Variants in DSC3 observed in about 807,000 individuals in gnomAD.
DSC3 encodes desmocollin-3.
DSC3 carries 97 observed loss-of-function variants against 89.5 expected under a neutral mutation model. The ratio of observed to expected loss-of-function variants is 1.08; its 90% CI spans 0.92 to 1.28. DSC3 has a LOEUF of 1.28. Ranked by LOEUF, DSC3 falls within the 50% of genes most tolerant of loss-of-function variation. The probability of loss-of-function intolerance (pLI) is 0.00; values close to 1 mark genes in which losing one functional copy is unlikely to be tolerated. For synonymous variants in DSC3, 436 were observed against 384.1 expected (o/e 1.14, Z -1.58); for missense variants, 1,199 against 1,085.3 (o/e 1.10, Z -1.47).
chr18:31,038,333 G>A (rs1432650141), intron 1 of DSC3, among the ~76,000 whole-genome samples: 1 of 152,188 alleles, frequency 6.6e-6, no homozygotes, highest in Non-Finnish European at 1.5e-5. Context: ...TGGATCTAAA[G>A]AAGTGTGTGT....
intron 11 of DSC3, 104 bp from the exon 12 acceptor site, chr18:31,007,235 A>T: frequency 1.3e-6 from 1 of 756,936 alleles, no homozygotes; most frequent in Non-Finnish European, 2.2e-6. Context: ...TTTTTAAATA[A>T]ACTGATTATT....
chr18:31,010,959 C>T lies in DSC3; in HGVS notation c.1264-2434G>A, dbSNP rs113490383. On this transcript the variant is annotated intron_variant, in intron 9 of 15. Coordinates refer to ENST00000360428, the MANE Select transcript of DSC3 (RefSeq NM_001941.5). ...TAAAATAATAATATCCCACAGTTTACCAAGTGCTGTTACGTTCAATATTAT... is the reference window on the plus strand; with the variant it reads ...TAAAATAATAATATCCCACAGTTTATCAAGTGCTGTTACGTTCAATATTAT... Among the ~76,000 whole-genome samples the T allele has an allele frequency of 1.1e-3, 166 of 152,282 alleles. 1 individual carries two copies. The highest frequency in any genetic ancestry group is 3.8e-3 in the African/African-American group (157 of 41,568).
intron 1 of DSC3, among the ~76,000 whole-genome samples, chr18:31,040,281 A>C (rs926821851): frequency 6.6e-6 from 1 of 152,214 alleles, no homozygotes; most frequent in Admixed American, 6.5e-5. Flanking sequence ...TAGATAACAT[A>C]ATCTTAAAGT....
At chr18:31,013,130 T>C (rs1292912951) in intron 9 of DSC3, among the ~76,000 whole-genome samples, 1 of 152,106 alleles carries the variant, frequency 6.6e-6, no homozygotes, top group Non-Finnish European at 1.5e-5. Flanking sequence ...CTAGCAATAA[T>C]ACAGCAGCAT....
intron 12 of DSC3, among the ~76,000 whole-genome samples, chr18:31,005,094 A>C (rs1349689814): frequency 6.6e-6 from 1 of 152,210 alleles, no homozygotes; most frequent in African/African-American, 2.4e-5. Context: ...ACACCCTGGA[A>C]GTCATCTGGA....
chr18:31,033,098 A>G (rs114097400), intron 1 of DSC3, among the ~76,000 whole-genome samples: 2,057 of 152,286 alleles, frequency 0.014, 58 homozygotes, highest in African/African-American at 0.047. Flanking sequence ...ACTTAGGAAT[A>G]AATGTAATCA....
intron 14 of DSC3, among the ~76,000 whole-genome samples, 186 bp downstream of exon 14, chr18:31,001,432 C>T (rs561534489): frequency 1.3e-5 from 2 of 151,962 alleles, no homozygotes; most frequent in East Asian, 1.9e-4. Context: ...TAAAATAATA[C>T]ATCTGGATTA....
intron 1 of DSC3, among the ~76,000 whole-genome samples, chr18:31,039,364 T>C (rs1986065061): frequency 6.6e-6 from 1 of 152,148 alleles, no homozygotes; most frequent in Non-Finnish European, 1.5e-5. Context: ...GTAGGCTTTC[T>C]AAAATGACAC....
intron 14 of DSC3, 100 bp from the exon 15 acceptor site, chr18:30,997,148 A>C (rs933628902): frequency 7.8e-6 from 10 of 1,279,212 alleles, no homozygotes; most frequent in Non-Finnish European, 1.0e-5. Flanking sequence ...CCTTTTATTC[A>C]TTCATTCATT....
chr18:30,999,993 A>T (rs927832687), intron 14 of DSC3, among the ~76,000 whole-genome samples: 1 of 152,176 alleles, frequency 6.6e-6, no homozygotes, highest in Non-Finnish European at 1.5e-5. Context: ...TGCCGGTCTT[A>T]AAAATAAAAT....
intron 11 of DSC3, 55 bp from the exon 12 acceptor site, chr18:31,007,186 T>A: frequency 7.3e-7 from 1 of 1,364,234 alleles, no homozygotes; most frequent in Non-Finnish European, 1.0e-6. Context: ...CATAGTTTCT[T>A]AAAGAATAAA....
chr18:31,001,089 G>GTATATATATATATATATATATA (rs67608580), intron 14 of DSC3, among the ~76,000 whole-genome samples: 3 of 126,042 alleles, frequency 2.4e-5, no homozygotes, highest in Admixed American at 7.9e-5. Flanking sequence ...TTGTGTGTGT[G>GTATATATATATATATATATATA]TATATATATA....
intron 14 of DSC3, among the ~76,000 whole-genome samples, chr18:30,998,135 G>T (rs1984539326): frequency 6.6e-6 from 1 of 152,104 alleles, no homozygotes; most frequent in Non-Finnish European, 1.5e-5. Context: ...CAAATAAGAA[G>T]ACAAATTTAA....
rs1227619083 is a variant in DSC3 at position 30,990,963 on chromosome 18, CAA to C, written c.*3210_*3211del. The C allele has an allele frequency of 1.7e-5, 2 of 117,598 alleles. No individual in the cohort carries two copies. Among genetic ancestry groups the C allele is most frequent in the Non-Finnish European group, 3.5e-5 (2 of 57,694 alleles). The allele number at this position is 117,598 out of a possible 1,614,324, so 7.3% of individuals were successfully genotyped here. On this transcript the variant is annotated 3_prime_UTR_variant, in exon 16 of 16. Transcript: ENST00000360428. ...TCCAAAATATTCCCCATTAATACAA[CAA>C]AGACATAATTATTTCTATTTCCATG...
In DSC3 at chr18:31,001,089, G is replaced by GTGTGTA. The variant is rs141615987; in HGVS notation, c.2235+528_2235+529insTACACA. Among the ~76,000 whole-genome samples the GTGTGTA allele has an allele frequency of 1.0e-2, 1,255 of 126,000 alleles. 12 individuals are homozygous for GTGTGTA. The highest frequency in any genetic ancestry group is 0.023 in the African/African-American group (782 of 34,284). 82.7% of individuals were successfully genotyped at this position (126,000 alleles called of 152,430 possible). ...GTGTTTATATATACTTTGTGTGTGT[G>GTGTGTA]TATATATATATATATATATATATAC... On this transcript the variant is annotated intron_variant, in intron 14 of 15. Transcript: ENST00000360428.
chr18:31,018,901 TG>T (rs879474971), intron 7 of DSC3, 101 bp from the exon 8 acceptor site: 3,641 of 351,616 alleles, frequency 0.01, 17 homozygotes, highest in Non-Finnish European at 0.012. Flanking sequence ...CACACACATC[TG>T]TGTGTTTCCG....
chr18:31,003,929 C>T lies in DSC3; in HGVS notation c.2113+213G>A, dbSNP rs555017959. ...TCTGTGAAATCTAAGGAATTTTCAACAATTCTGTCTAAGCATAAAGTCTTT... is the reference window on the plus strand; with the variant it reads ...TCTGTGAAATCTAAGGAATTTTCAATAATTCTGTCTAAGCATAAAGTCTTT... On this transcript the variant is annotated intron_variant, in intron 13 of 15. Transcript: ENST00000360428. 1.1e-4 allele frequency among the ~76,000 whole-genome samples: 17 copies of T among 152,260 alleles called. No homozygotes were observed. In the South Asian group the frequency reaches 3.5e-3, roughly 32 times the overall value.
chr18:31,013,474 C>T (rs373716200), intron 9 of DSC3, among the ~76,000 whole-genome samples: 18 of 152,170 alleles, frequency 1.2e-4, no homozygotes, highest in African/African-American at 4.3e-4. Flanking sequence ...GCCAACAAAA[C>T]AAATCCTGGA....
At chr18:31,007,197 A>T in intron 11 of DSC3, 66 bp from the exon 12 acceptor site, 1 of 1,181,074 alleles carries the variant, frequency 8.5e-7, no homozygotes, top group Non-Finnish European at 1.2e-6. Context: ...AAAGAATAAA[A>T]AGTCAATTAT....
Sources: allele counts gnomAD v4.1 joint callset (sites outside exome capture counted in the v4.1 genomes callset), GRCh38; gene constraint gnomAD v4.1.1; transcripts MANE v1.5; gene names NCBI Gene and HGNC (gene_info 2026-07-23, HGNC 2026-07-21).